Variants in CEP112 observed in about 807,000 individuals in gnomAD.
The protein encoded by CEP112 is centrosomal protein of 112 kDa.
A neutral mutation model predicts 153.0 loss-of-function variants in CEP112; 127 were observed. The observed-to-expected ratio is 0.83, with a 90% confidence interval of 0.72 to 0.96. The LOEUF is 0.96. Among genes scored for constraint, CEP112 ranks in the 40% least tolerant of loss-of-function variants. The pLI, the probability that CEP112 is intolerant of heterozygous loss-of-function variation, is 0.00. For synonymous variants in CEP112, 358 were observed against 374.4 expected (o/e 0.96, Z 0.51); for missense variants, 1,089 against 1,101.2 (o/e 0.99, Z 0.16).
At chr17:65,904,876 G>C (rs1399488316) in intron 19 of CEP112, among the ~76,000 whole-genome samples, 1 of 152,196 alleles carries the variant, frequency 6.6e-6, no homozygotes, top group Non-Finnish European at 1.5e-5. Flanking sequence ...TAAATAAATG[G>C]TGTTGGGAAA....
chr17:65,916,533 C>T (rs952302291), intron 19 of CEP112, among the ~76,000 whole-genome samples: 1 of 151,528 alleles, frequency 6.6e-6, no homozygotes, highest in Admixed American at 6.6e-5. Flanking sequence ...TCCAGGAAAA[C>T]AGCTTCTTTT....
intron 18 of CEP112, among the ~76,000 whole-genome samples, chr17:65,935,766 T>C (rs1268008367): frequency 6.6e-6 from 1 of 151,558 alleles, no homozygotes. Flanking sequence ...AAAGGAGTCC[T>C]ACAAGGGAAA....
At position 66,082,107 on chromosome 17, in the gene CEP112, G is replaced by A. The variant is rs370455240; in HGVS notation, c.769-12106C>T. 5.3e-5 allele frequency among the ~76,000 whole-genome samples: 8 copies of A among 152,210 alleles called. No individual in the cohort carries two copies. In the South Asian group the frequency reaches 8.3e-4, roughly 16 times the overall value. On this transcript the variant is annotated intron_variant, in intron 8 of 26. Coordinates refer to ENST00000535342, the MANE Select transcript of CEP112 (RefSeq NM_001199165.4). ...ATAAATCTTTCGCCTTTTACCAAAG[G>A]AGCAATTTCTACCATCTGTTCTCTG...
intron 24 of CEP112, among the ~76,000 whole-genome samples, chr17:65,672,933 C>T (rs9895996): frequency 0.51 from 76,903 of 151,992 alleles, 19,950 homozygotes; most frequent in African/African-American, 0.6. Flanking sequence ...CTAGTAAAAT[C>T]CCTGTATTAG....
At chr17:65,765,924 A>T (rs1369827072) in intron 21 of CEP112, among the ~76,000 whole-genome samples, 1 of 152,192 alleles carries the variant, frequency 6.6e-6, no homozygotes, top group South Asian at 2.1e-4. Flanking sequence ...TGAAGACACC[A>T]ATTCAGAAAC....
At chr17:65,674,160 C>A (rs2047113208) in intron 24 of CEP112, among the ~76,000 whole-genome samples, 1 of 152,204 alleles carries the variant, frequency 6.6e-6, no homozygotes, top group Non-Finnish European at 1.5e-5. Context: ...TGTGAGCCAC[C>A]ATGCCCAACC....
intron 24 of CEP112, among the ~76,000 whole-genome samples, chr17:65,670,385 T>C (rs1052491179): frequency 6.6e-6 from 1 of 151,888 alleles, no homozygotes; most frequent in Admixed American, 6.5e-5. Context: ...ACCCTCATAA[T>C]TGAAATTCTC....
intron 4 of CEP112, among the ~76,000 whole-genome samples, chr17:66,144,548 C>T (rs147785964): frequency 9.6e-4 from 146 of 152,148 alleles, no homozygotes; most frequent in African/African-American, 2.9e-3. Context: ...CAAAATTTAG[C>T]CGGGTATGGT....
chr17:65,997,885 T>C (rs374414151), intron 17 of CEP112, among the ~76,000 whole-genome samples: 8 of 152,106 alleles, frequency 5.3e-5, no homozygotes, highest in South Asian at 4.1e-4. Flanking sequence ...AAGCAACATA[T>C]TGAGGCTACC....
At chr17:65,967,131 A>G (rs2062442580) in intron 17 of CEP112, among the ~76,000 whole-genome samples, 1 of 152,226 alleles carries the variant, frequency 6.6e-6, no homozygotes, top group African/African-American at 2.4e-5. Flanking sequence ...CTATTCTGAC[A>G]AAGACCTTTT....
At chr17:65,953,812 A>G (rs1161426384) in intron 18 of CEP112, among the ~76,000 whole-genome samples, 2 of 152,176 alleles carry the variant, frequency 1.3e-5, no homozygotes, top group Non-Finnish European at 2.9e-5. Flanking sequence ...GCCCCACACA[A>G]GGAGAGGCTG....
At chr17:65,669,456 G>C (rs1002349288) in intron 24 of CEP112, among the ~76,000 whole-genome samples, 4 of 152,222 alleles carry the variant, frequency 2.6e-5, no homozygotes, top group African/African-American at 9.6e-5. Context: ...AATGAGACCT[G>C]AAGACAATGG....
At chr17:66,139,989 C>T (rs1028152469) in intron 4 of CEP112, among the ~76,000 whole-genome samples, 1 of 152,106 alleles carries the variant, frequency 6.6e-6, no homozygotes, top group Admixed American at 6.6e-5. Flanking sequence ...AGGAAAATTA[C>T]AAGCCAATAC....
At chr17:65,936,474 A>G (rs1258246707) in intron 18 of CEP112, among the ~76,000 whole-genome samples, 1 of 152,200 alleles carries the variant, frequency 6.6e-6, no homozygotes, top group Non-Finnish European at 1.5e-5. Flanking sequence ...AGGAAAGAAC[A>G]TTACAGGCCA....
At chr17:66,010,167 T>C (rs559974403) in intron 16 of CEP112, among the ~76,000 whole-genome samples, 24 of 152,190 alleles carry the variant, frequency 1.6e-4, no homozygotes, top group Non-Finnish European at 3.4e-4. Context: ...ATTGTAGAAA[T>C]CTTGCACCTC....
At position 65,902,211 on chromosome 17, in the gene CEP112, G is replaced by A. The variant is rs780421901; in HGVS notation, c.2104C>T (p.Arg702Cys). 3.3e-5 allele frequency: 53 copies of A among 1,613,804 alleles called. No homozygotes were observed. The highest frequency in any genetic ancestry group is 3.9e-5 in the Non-Finnish European group (46 of 1,179,964). Reference sequence around the variant, plus strand: ...TTTTCGTGCTCCATATTGGCAGCGCGAAGCTGTTTTTCCAGGTTTTCAATT... The same window carrying A: ...TTTTCGTGCTCCATATTGGCAGCGCAAAGCTGTTTTTCCAGGTTTTCAATT... ...REIENLEKQL[R>C]AANMEHENQI... is the part of the protein sequence containing the mutation. Residue 702 changes from arginine to cysteine, a missense_variant, in exon 20 of 27, where the codon CGC becomes TGC. Transcript: ENST00000535342.
chr17:65,663,804 T>C (rs554841798), intron 24 of CEP112, among the ~76,000 whole-genome samples: 1 of 152,214 alleles, frequency 6.6e-6, no homozygotes, highest in South Asian at 2.1e-4. Context: ...ATAAACATAA[T>C]ACAAGGCCGA....
chr17:65,998,375 C>T (rs1228545532), intron 17 of CEP112, among the ~76,000 whole-genome samples: 4 of 87,382 alleles, frequency 4.6e-5, no homozygotes, highest in Non-Finnish European at 8.6e-5. Context: ...AGAGTAAGGC[C>T]TCGTCTCAAA....
chr17:66,113,050 C>T (rs1035707182), intron 6 of CEP112, among the ~76,000 whole-genome samples: 2 of 151,866 alleles, frequency 1.3e-5, no homozygotes, highest in African/African-American at 4.8e-5. Context: ...GCCTGGGTAA[C>T]AAGAGCGAAA....
Sources: gnomAD v4.1 joint callset for allele counts (sites outside exome capture counted in the v4.1 genomes callset) on GRCh38, gnomAD v4.1.1 for gene constraint, MANE v1.5 for transcripts, NCBI Gene and HGNC (gene_info 2026-07-23, HGNC 2026-07-21) for gene names.